SMG1: variants seen among roughly 807,000 people sequenced by gnomAD.
SMG1 encodes the protein serine/threonine-protein kinase SMG1.
In SMG1, 22 loss-of-function variants were observed where a neutral mutation model predicts 419.9. The observed-to-expected ratio is 0.05, with a 90% CI of 0.04 to 0.07. The LOEUF (loss-of-function observed/expected upper bound fraction) is 0.07. Among genes scored for constraint, SMG1 ranks in the 10% least tolerant of loss-of-function variants. SMG1 has a pLI of 1.00. For synonymous variants in SMG1, 1,538 were observed against 1,553.5 expected (o/e 0.99, Z 0.23); for missense variants, 3,185 against 4,342.0 (o/e 0.73, Z 7.49).
rs769555313 is a variant in SMG1, at chr16:18,858,197, G to C, written c.4207C>G (p.Gln1403Glu). ...WMQALRYTMY[Q>E]NQLLEKIKEQ... ...TTAATTTTCTCCAACAACTGATTCT[G>C]GTACATAGTATACCTTAATGCCTGC... The change falls in exon 29 of 63, where the codon CAG becomes GAG. Residue 1403 changes from glutamine to glutamate, a missense_variant. Gln to Glu is a conservative substitution (Grantham distance 29, BLOSUM62 2). Around this residue, in one of 27 missense-constraint regions of SMG1, gnomAD observed 493 missense variants for 552.9 expected, o/e 0.89. Coordinates refer to ENST00000446231, the MANE Select transcript of SMG1 (RefSeq NM_015092.5). The C allele has an allele frequency of 3.2e-6, 5 of 1,586,994 alleles. No homozygotes were observed. Among genetic ancestry groups the C allele is most frequent in the Non-Finnish European group, 4.3e-6 (5 of 1,166,440 alleles).
chr16:18,912,399 G>A (rs1457321753), intron 1 of SMG1, among the ~76,000 whole-genome samples: 1 of 151,644 alleles, frequency 6.6e-6, no homozygotes, highest in Non-Finnish European at 1.5e-5. Flanking sequence ...AGCAAAGTAA[G>A]GTGATAGTAT....
Position 18,807,318 on chromosome 16 carries a change from T to C in SMG1, c.*2251A>G, listed in dbSNP as rs992055832. 1 of 152,188 alleles carries C rather than the reference T, an allele frequency of 6.6e-6. No homozygotes were observed. The highest frequency in any genetic ancestry group is 1.5e-5 in the Non-Finnish European group (1 of 68,030). The allele number at this position is 152,188 out of a possible 1,614,324, so 9.4% of individuals were successfully genotyped here. On this transcript the variant is annotated 3_prime_UTR_variant, in exon 63 of 63. Coordinates refer to ENST00000446231, the MANE Select transcript of SMG1 (RefSeq NM_015092.5). The stretch of plus-strand genomic sequence containing the variant: ...AGAATGTTGCTGAAAGACTTTAATC[T>C]TGAGAGAGCAGAGGTAATGTGATGA...
Position 18,918,448 on chromosome 16 carries a change from G to A in SMG1, c.92+7502C>T, listed in dbSNP as rs569451901. On this transcript the variant is annotated intron_variant, in intron 1 of 62. Transcript: ENST00000446231. ...TTATCCTAATTTTCTTCTATTTTGGGGGGGATTCTCCCCCAAATTCACAGT... is the reference window on the plus strand; with the variant it reads ...TTATCCTAATTTTCTTCTATTTTGGAGGGGATTCTCCCCCAAATTCACAGT... 3.3e-5 allele frequency among the ~76,000 whole-genome samples: 5 copies of A among 152,184 alleles called. No individual in the cohort carries two copies. In the South Asian group the frequency reaches 1.0e-3, roughly 32 times the overall value.
intron 8 of SMG1, chr16:18,884,733 G>A (rs1009664752): frequency 3.5e-5 from 7 of 201,106 alleles, no homozygotes; most frequent in Non-Finnish European, 9.9e-6. Context: ...AATTAACCCT[G>A]TATTTCCTTT....
chr16:18,919,639 T>C (rs1596665851), intron 1 of SMG1, among the ~76,000 whole-genome samples: 1 of 105,306 alleles, frequency 9.5e-6, no homozygotes, highest in Non-Finnish European at 1.8e-5. Flanking sequence ...AAAAAATGTG[T>C]GTGTGTGTGT....
intron 10 of SMG1, among the ~76,000 whole-genome samples, chr16:18,881,635 T>G (rs1396751688): frequency 6.6e-6 from 1 of 152,144 alleles, no homozygotes; most frequent in Non-Finnish European, 1.5e-5. Flanking sequence ...GAACCCTCAT[T>G]GGATGTGCTA....
chr16:18,836,873 G>A (rs2033612474), intron 46 of SMG1, among the ~76,000 whole-genome samples: 1 of 152,128 alleles, frequency 6.6e-6, no homozygotes, highest in East Asian at 1.9e-4. Context: ...TGTGTATAAG[G>A]TTCTTTCAGT....
intron 62 of SMG1, among the ~76,000 whole-genome samples, chr16:18,810,549 T>G (rs1443632198): frequency 6.6e-6 from 1 of 152,170 alleles, no homozygotes; most frequent in African/African-American, 2.4e-5. Flanking sequence ...TAAATGCATT[T>G]TAGACTTATG....
chr16:18,906,980 A>G (rs2037586314), intron 1 of SMG1, among the ~76,000 whole-genome samples: 1 of 152,216 alleles, frequency 6.6e-6, no homozygotes, highest in Non-Finnish European at 1.5e-5. Flanking sequence ...CGGCTGAGTG[A>G]AACTCCTTTT....
chr16:18,906,617 C>T (rs1330923400), intron 1 of SMG1, among the ~76,000 whole-genome samples: 1 of 152,184 alleles, frequency 6.6e-6, no homozygotes, highest in Non-Finnish European at 1.5e-5. Context: ...CCCCCATAAA[C>T]ATGCAACACT....
At chr16:18,922,623 T>A (rs1252664486) in intron 1 of SMG1, among the ~76,000 whole-genome samples, 2 of 152,124 alleles carry the variant, frequency 1.3e-5, no homozygotes, top group East Asian at 3.9e-4. Context: ...CACCACCATA[T>A]CCCGCTAATT....
At chr16:18,852,582 C>A in intron 31 of SMG1, 120 bp from the exon 32 acceptor site, 1 of 791,382 alleles carries the variant, frequency 1.3e-6, no homozygotes, top group Non-Finnish European at 1.9e-6. Flanking sequence ...TCAAAAGTTC[C>A]AAAATATTAC....
intron 1 of SMG1, chr16:18,925,415 C>G (rs1168909655): frequency 4.6e-5 from 7 of 152,464 alleles, no homozygotes; most frequent in Admixed American, 4.6e-4. Context: ...AATCTCATCT[C>G]ATGCTCCACT....
chr16:18,818,394 CA>C (rs1000454612), intron 56 of SMG1, among the ~76,000 whole-genome samples: 2 of 151,330 alleles, frequency 1.3e-5, no homozygotes, highest in East Asian at 2.0e-4. Context: ...TCAAAAAAAA[CA>C]AAAAAAATTT....
rs2031164212 is a variant in SMG1, at chr16:18,809,466, T to C, written c.*103A>G. Reference sequence around the variant, plus strand: ...AGGTTTCCTCAGAGTAAGCCCCCAGTTGCATCACCACCGACTGTGGTGTGG... The same window carrying C: ...AGGTTTCCTCAGAGTAAGCCCCCAGCTGCATCACCACCGACTGTGGTGTGG... On this transcript the variant is annotated 3_prime_UTR_variant, in exon 63 of 63. Coordinates refer to ENST00000446231, the MANE Select transcript of SMG1 (RefSeq NM_015092.5). 4.8e-6 allele frequency: 4 copies of C among 833,346 alleles called. No homozygotes were observed. Among genetic ancestry groups the C allele is most frequent in the Non-Finnish European group, 8.1e-6 (4 of 494,760 alleles). The allele number at this position is 833,346 out of a possible 1,614,324, so 51.6% of individuals were successfully genotyped here. A position where few individuals can be genotyped will look rare whatever the true frequency, so the allele number is the denominator to read the frequency against.
chr16:18,926,035 G>T lies in SMG1; in HGVS notation c.7C>A (p.Arg3Ser). ...CTCAGCCGAGACCCCGGGGCTCTGCGGCTCATTACCTTCCCCGACACGACA... is the reference window on the plus strand; with the variant it reads ...CTCAGCCGAGACCCCGGGGCTCTGCTGCTCATTACCTTCCCCGACACGACA... MS[R>S]RAPGSRLSSG... Residue 3 changes from arginine (R) to serine (S), a missense_variant, in exon 1 of 63, where the codon CGC becomes AGC. This residue lies in a region of SMG1 where 88 missense variants were observed against 85.9 expected (regional missense o/e 1.02). Transcript: ENST00000446231. 3 of 1,571,630 alleles carry T rather than the reference G, an allele frequency of 1.9e-6. No homozygotes were observed. The highest frequency in any genetic ancestry group is 1.8e-5 in the Admixed American group (1 of 56,998).
Position 18,838,564 on chromosome 16 carries a change from A to C in SMG1, c.7071T>G (p.Val2357=). The C allele has an allele frequency of 6.2e-7, 1 of 1,613,784 alleles. No homozygotes were observed. Among genetic ancestry groups the C allele is most frequent in the Non-Finnish European group, 8.5e-7 (1 of 1,179,700 alleles). ...CTTTTATATTACCTTTTTCAAAGCA[A>C]ACATTGTAATCTATGTGAACAACTT... ...TGEVVHIDYN[V]CFEKGKSLRV... is the part of the protein sequence containing the mutation. The change falls in exon 43 of 63, where the codon GTT becomes GTG. Residue 2357 remains valine (V), a synonymous_variant. Coordinates refer to ENST00000446231, the MANE Select transcript of SMG1 (RefSeq NM_015092.5).
chr16:18,834,683 T>C (rs1454875810), intron 49 of SMG1, among the ~76,000 whole-genome samples: 1 of 152,082 alleles, frequency 6.6e-6, no homozygotes, highest in Non-Finnish European at 1.5e-5. Flanking sequence ...GAGGCTGAGG[T>C]TGCTGTGAGC....
Position 18,876,294 on chromosome 16 carries a change from A to T in SMG1, c.1720T>A (p.Cys574Ser), listed in dbSNP as rs1161243265. 2.5e-6 allele frequency: 4 copies of T among 1,611,822 alleles called. No homozygotes were observed. Among genetic ancestry groups the T allele is most frequent in the Non-Finnish European group, 1.7e-6 (2 of 1,179,696 alleles). The change falls in exon 13 of 63, where the codon TGT (cysteine) becomes AGT (serine). Residue 574 changes from cysteine to serine, a missense_variant. This residue lies in a region of SMG1 where 297 missense variants were observed against 491.0 expected (regional missense o/e 0.60). Transcript: ENST00000446231. The part of the protein sequence containing the change: ...AYKLILGEMT[C>S]ALNNLLHSLQ... ...CTGTGTAGGAGGTTGTTTAGGGCAC[A>T]AGTCATTTCTCCCAATATTAACTTA...
Sources: allele counts gnomAD v4.1 joint callset (sites outside exome capture counted in the v4.1 genomes callset), GRCh38; gene constraint gnomAD v4.1.1; regional missense constraint gnomAD v4.1.1; transcripts MANE v1.5; gene names NCBI Gene and HGNC (gene_info 2026-07-23, HGNC 2026-07-21).